The following AUTS2 variants were observed in gnomAD, a reference collection of about 807,000 sequenced individuals.
AUTS2 encodes autism susceptibility gene 2 protein.
In AUTS2, 17 loss-of-function variants were observed where a neutral mutation model predicts 112.4. That is an observed-to-expected ratio of 0.15 (90% CI 0.10 to 0.23). The LOEUF (loss-of-function observed/expected upper bound fraction) is 0.23, where lower values mean the gene tolerates loss of function less well. AUTS2 is among the 10% of genes least tolerant of loss of function. AUTS2 has a pLI of 1.00. For synonymous variants in AUTS2, 751 were observed against 702.7 expected, an observed-to-expected ratio of 1.07 and a Z score of -1.09; for missense variants, 1,510 against 1,701.6, an observed-to-expected ratio of 0.89 and a Z score of 1.98.
At chr7:70,626,629 C>T (rs1159924743) in intron 5 of AUTS2, among the ~76,000 whole-genome samples, 3 of 152,034 alleles carry the variant, frequency 2.0e-5, no homozygotes, top group Non-Finnish European at 4.4e-5. Flanking sequence ...GTACTGAGCG[C>T]AGTACCCAAT....
chr7:70,396,990 A>T (rs748898157), intron 4 of AUTS2, among the ~76,000 whole-genome samples: 2 of 151,910 alleles, frequency 1.3e-5, no homozygotes, highest in Admixed American at 1.3e-4. Flanking sequence ...ATTTCCACCA[A>T]CCGTGTATAA....
chr7:70,774,473 C>T (rs184659454), intron 12 of AUTS2: 60 of 195,834 alleles, frequency 3.1e-4, no homozygotes, highest in African/African-American at 1.3e-3. Flanking sequence ...AGCACTAAGG[C>T]GCTTTTCTTC....
At chr7:70,687,048 C>G (rs531691212) in intron 5 of AUTS2, among the ~76,000 whole-genome samples, 299 of 152,222 alleles carry the variant, frequency 2.0e-3, no homozygotes, top group Middle Eastern at 0.014. Context: ...ATTACCACCC[C>G]CCAACTCTGC....
At chr7:70,512,601 A>G (rs1799241922) in intron 5 of AUTS2, among the ~76,000 whole-genome samples, 1 of 152,114 alleles carries the variant, frequency 6.6e-6, no homozygotes, top group Non-Finnish European at 1.5e-5. Context: ...GGTGAGCTTT[A>G]AAGGACTAAA....
intron 1 of AUTS2, among the ~76,000 whole-genome samples, chr7:69,683,070 C>T (rs1214366786): frequency 6.6e-6 from 1 of 152,176 alleles, no homozygotes; most frequent in Non-Finnish European, 1.5e-5. Flanking sequence ...ACGGAAAACC[C>T]CCATTGCTGG....
intron 2 of AUTS2, among the ~76,000 whole-genome samples, chr7:70,004,225 AATAT>A (rs1204709785): frequency 1.5e-5 from 2 of 135,542 alleles, no homozygotes; most frequent in Non-Finnish European, 3.0e-5. Flanking sequence ...GTTATATGTG[AATAT>A]ATATTATATA....
rs202026205 is a variant in AUTS2, at chr7:69,648,454, T to TAA, written c.309+48505_309+48506dup. On this transcript the variant is annotated intron_variant, in intron 1 of 18. Coordinates refer to ENST00000342771, the MANE Select transcript of AUTS2 (RefSeq NM_015570.4). ...AATGTGTATTAGAATTCAGTAACTT[T>TAA]AAAAAAAAAAAAAACTCCACGTGCA... 1.0e-3 allele frequency among the ~76,000 whole-genome samples: 142 copies of TAA among 141,468 alleles called. No individual in the cohort carries two copies. The East Asian group carries it at 0.014, about 14-fold the overall frequency. 92.8% of individuals were successfully genotyped at this position (141,468 alleles called of 152,430 possible).
Position 70,195,657 on chromosome 7 carries a change from C to A in AUTS2, c.660+61086C>A, listed in dbSNP as rs565170772. Among the ~76,000 whole-genome samples the A allele has an allele frequency of 4.6e-5, 7 of 152,176 alleles. No homozygotes were observed. The South Asian group carries it at 1.5e-3, about 32-fold the overall frequency. ...CACAGTGAAATTCTGTCTCAAAGAA[C>A]AAAACAAAACCAAAAGAATTCTAAA... On this transcript the variant is annotated intron_variant, in intron 4 of 18. Transcript: ENST00000342771.
chr7:70,083,919 C>A (rs1803450537), intron 2 of AUTS2, among the ~76,000 whole-genome samples: 1 of 152,054 alleles, frequency 6.6e-6, no homozygotes, highest in Admixed American at 6.6e-5. Flanking sequence ...TGTATTTTAG[C>A]TTGGGTGATA....
chr7:69,703,515 C>T (rs529157638), intron 1 of AUTS2, among the ~76,000 whole-genome samples: 15 of 152,120 alleles, frequency 9.9e-5, no homozygotes, highest in Non-Finnish European at 1.5e-4. Context: ...GTTGTACTGG[C>T]CTTTAGTACT....
At chr7:69,785,230 C>T (rs889764642) in intron 1 of AUTS2, among the ~76,000 whole-genome samples, 1 of 152,070 alleles carries the variant, frequency 6.6e-6, no homozygotes. Context: ...ATTTTTTTCT[C>T]TGAAGTTTTG....
intron 4 of AUTS2, among the ~76,000 whole-genome samples, chr7:70,431,072 C>T (rs1184417927): frequency 2.0e-5 from 3 of 151,922 alleles, no homozygotes; most frequent in Non-Finnish European, 4.4e-5. Context: ...CTCCTGACCT[C>T]GTGATCCGCC....
intron 2 of AUTS2, among the ~76,000 whole-genome samples, chr7:70,058,590 A>T (rs1802099107): frequency 1.3e-5 from 2 of 151,950 alleles, no homozygotes; most frequent in Admixed American, 1.3e-4. Flanking sequence ...TCAGGAAGAA[A>T]CATACCTGGA....
intron 5 of AUTS2, among the ~76,000 whole-genome samples, chr7:70,454,758 G>C (rs1268861302): frequency 6.6e-6 from 1 of 152,164 alleles, no homozygotes; most frequent in East Asian, 1.9e-4. Context: ...GTGGGCTTAA[G>C]GTTTGGTCTT....
chr7:69,758,903 A>G (rs1016551433), intron 1 of AUTS2, among the ~76,000 whole-genome samples: 1 of 152,026 alleles, frequency 6.6e-6, no homozygotes, highest in Non-Finnish European at 1.5e-5. Flanking sequence ...CAACCCAGCA[A>G]CTCACCTCTT....
intron 2 of AUTS2, among the ~76,000 whole-genome samples, chr7:70,087,144 C>G (rs1248164331): frequency 2.6e-5 from 4 of 151,818 alleles, no homozygotes; most frequent in African/African-American, 9.7e-5. Flanking sequence ...AAGTCCCTTT[C>G]TATTTCACAT....
intron 2 of AUTS2, among the ~76,000 whole-genome samples, chr7:70,020,385 A>C (rs1224652425): frequency 6.6e-6 from 1 of 152,070 alleles, no homozygotes; most frequent in Non-Finnish European, 1.5e-5. Flanking sequence ...AAAACATTCT[A>C]TTGCAGTTAC....
chr7:70,099,183 T>A (rs1804357419), intron 2 of AUTS2, among the ~76,000 whole-genome samples: 1 of 152,206 alleles, frequency 6.6e-6, no homozygotes, highest in Admixed American at 6.5e-5. Context: ...CTCTCTCTTT[T>A]CCTTTCCCAT....
intron 1 of AUTS2, among the ~76,000 whole-genome samples, chr7:69,664,273 A>G (rs1449132619): frequency 3.3e-5 from 5 of 152,226 alleles, no homozygotes; most frequent in Non-Finnish European, 7.3e-5. Context: ...AAAATGACAA[A>G]TAGAGAATGC....
Sources: allele counts gnomAD v4.1 joint callset (sites outside exome capture counted in the v4.1 genomes callset), GRCh38; gene constraint gnomAD v4.1.1; transcripts MANE v1.5; gene names NCBI Gene and HGNC (gene_info 2026-07-23, HGNC 2026-07-21).